Variants in TRARG1 observed in about 807,000 individuals in gnomAD.
TRARG1 encodes trafficking regulator of GLUT4 1.
Under a neutral mutation model 13.3 loss-of-function variants are expected in TRARG1, and 16 were observed. That is an observed-to-expected ratio of 1.20 (90% CI 0.81 to 1.83). The LOEUF (loss-of-function observed/expected upper bound fraction) is 1.83. TRARG1 is among the 40% of genes most tolerant of loss of function. TRARG1 has a pLI of 0.00. For synonymous variants in TRARG1, 113 were observed against 106.2 expected, an observed-to-expected ratio of 1.06 and a Z score of -0.39; for missense variants, 250 against 237.4, an observed-to-expected ratio of 1.05 and a Z score of -0.35.
rs145861235 is a variant in TRARG1 at position 1,298,501 on chromosome 17, C to T, written c.*237C>T. 15 of 459,230 alleles carry T rather than the reference C, an allele frequency of 3.3e-5. No individual in the cohort carries two copies. Among genetic ancestry groups the T allele is most frequent in the Non-Finnish European group, 4.6e-5 (12 of 259,168 alleles). 28.4% of individuals were successfully genotyped at this position (459,230 alleles called of 1,614,324 possible). On this transcript the variant is annotated 3_prime_UTR_variant, in exon 3 of 3. Coordinates refer to ENST00000333813, the MANE Select transcript of TRARG1 (RefSeq NM_172367.3). ...CAATGGGTAACGTGGTTTACTCTCC[C>T]GGACGCGTCCTGGGATCTCAACCCC...
chr17:1,297,447 T>G (rs910743602), intron 2 of TRARG1, among the ~76,000 whole-genome samples: 5 of 152,202 alleles, frequency 3.3e-5, no homozygotes, highest in African/African-American at 1.2e-4. Flanking sequence ...AATTGGAGCG[T>G]GTGTGACAGT....
intron 1 of TRARG1, among the ~76,000 whole-genome samples, chr17:1,285,712 A>C (rs997503324): frequency 2.0e-5 from 3 of 151,660 alleles, no homozygotes; most frequent in African/African-American, 7.3e-5. Context: ...GCAAGACTCC[A>C]TCTAAAAAAT....
At chr17:1,289,806 C>T (rs1281600086) in intron 1 of TRARG1, among the ~76,000 whole-genome samples, 1 of 152,144 alleles carries the variant, frequency 6.6e-6, no homozygotes, top group African/African-American at 2.4e-5. Flanking sequence ...GCTACATACT[C>T]ATGGCACCCC....
At chr17:1,293,715 A>C (rs986708617) in intron 1 of TRARG1, among the ~76,000 whole-genome samples, 1 of 151,824 alleles carries the variant, frequency 6.6e-6, no homozygotes, top group Admixed American at 6.6e-5. Flanking sequence ...TGATGATGTC[A>C]CAGGTTGAAT....
Position 1,283,528 on chromosome 17 carries a change from C to T in TRARG1, c.387+3140C>T, listed in dbSNP as rs142780144. On this transcript the variant is annotated intron_variant, in intron 1 of 2. Transcript: ENST00000333813. The stretch of plus-strand genomic sequence containing the variant: ...TCCAAAAGAAACCCTGTACCCTGGC[C>T]GGGCGCAGTGGCTCATGCCTGTAAT... 9.2e-5 allele frequency among the ~76,000 whole-genome samples: 14 copies of T among 152,266 alleles called. No individual in the cohort carries two copies. The East Asian group carries it at 1.7e-3, about 19-fold the overall frequency.
chr17:1,279,760 C>T lies in TRARG1; in HGVS notation c.-242C>T, dbSNP rs1004212345. 2 of 482,498 alleles carry T rather than the reference C, an allele frequency of 4.1e-6. No individual in the cohort carries two copies. Among genetic ancestry groups the T allele is most frequent in the Non-Finnish European group, 7.3e-6 (2 of 273,860 alleles). The allele number at this position is 482,498 out of a possible 1,614,324, so 29.9% of individuals were successfully genotyped here. ...TTGGCCTCAAACTTGAACAAAGCTG[C>T]AGGCTCCAGCGTCTTTCTGGGAGCT... On this transcript the variant is annotated 5_prime_UTR_variant, in exon 1 of 3. Coordinates refer to ENST00000333813, the MANE Select transcript of TRARG1 (RefSeq NM_172367.3).
rs933940922 is a variant in TRARG1, at chr17:1,281,991, TATATACAG to T, written c.387+1611_387+1618del. On this transcript the variant is annotated intron_variant, in intron 1 of 2. Coordinates refer to ENST00000333813, the MANE Select transcript of TRARG1 (RefSeq NM_172367.3). ...ATGCACACGTGTACATATATGTACATATATACAGATATACACATATGTACATATACATA... is the reference window on the plus strand; with the variant it reads ...ATGCACACGTGTACATATATGTACATATATACACATATGTACATATACATA... Among the ~76,000 whole-genome samples, 100 of 151,718 alleles carry T rather than the reference TATATACAG, an allele frequency of 6.6e-4. 3 individuals carry two copies. In the East Asian group the frequency reaches 0.017, roughly 26 times the overall value.
chr17:1,290,375 A>G (rs1036277140), intron 1 of TRARG1, among the ~76,000 whole-genome samples: 2 of 152,280 alleles, frequency 1.3e-5, no homozygotes, highest in South Asian at 4.2e-4. Flanking sequence ...AGCTCACTGC[A>G]GCCTCCGCCT....
At position 1,300,722 on chromosome 17, in the gene TRARG1, G is replaced by A. The variant is rs1425592982; in HGVS notation, c.*2458G>A. 1.3e-5 allele frequency: 2 copies of A among 152,576 alleles called. No individual in the cohort carries two copies. Among genetic ancestry groups the A allele is most frequent in the Non-Finnish European group, 1.5e-5 (1 of 68,308 alleles). The allele number at this position is 152,576 out of a possible 1,614,324, so 9.5% of individuals were successfully genotyped here. A position where few individuals can be genotyped will look rare whatever the true frequency, so the allele number is the denominator to read the frequency against. The stretch of plus-strand genomic sequence containing the variant: ...GAGGAGAAAGCCATTCTGGACACCA[G>A]GGGACCTGGACGGAGGGTCCCCACA... On this transcript the variant is annotated 3_prime_UTR_variant, in exon 3 of 3. Transcript: ENST00000333813.
chr17:1,300,514 C>T lies in TRARG1; in HGVS notation c.*2250C>T, dbSNP rs1489777250. On this transcript the variant is annotated 3_prime_UTR_variant, in exon 3 of 3. Coordinates refer to ENST00000333813, the MANE Select transcript of TRARG1 (RefSeq NM_172367.3). The stretch of plus-strand genomic sequence containing the variant: ...GAACCCAGGACAGCCACAGCCACCG[C>T]TTAGGGGAAGCCACTGCAGATGCCC... The T allele has an allele frequency of 6.5e-6, 1 of 152,944 alleles. No individual in the cohort carries two copies. The highest frequency in any genetic ancestry group is 1.5e-5 in the Non-Finnish European group (1 of 68,674). 9.5% of individuals were successfully genotyped at this position (152,944 alleles called of 1,614,324 possible).
intron 1 of TRARG1, among the ~76,000 whole-genome samples, chr17:1,282,035 T>A (rs531201356): frequency 6.7e-5 from 10 of 148,340 alleles, no homozygotes; most frequent in Non-Finnish European, 8.9e-5. Context: ...TGTACATATA[T>A]ACACACATAT....
chr17:1,284,802 T>C (rs1442197913), intron 1 of TRARG1, among the ~76,000 whole-genome samples: 12 of 152,036 alleles, frequency 7.9e-5, no homozygotes, highest in Admixed American at 4.6e-4. Flanking sequence ...TGCCTCAGCC[T>C]CCTGAGTAGC....
At chr17:1,287,517 C>T (rs949878355) in intron 1 of TRARG1, among the ~76,000 whole-genome samples, 11 of 151,726 alleles carry the variant, frequency 7.2e-5, no homozygotes, top group African/African-American at 1.9e-4. Flanking sequence ...CCCACTACCA[C>T]GCCTGGCTAA....
intron 1 of TRARG1, among the ~76,000 whole-genome samples, chr17:1,294,031 C>T (rs185832599): frequency 4.6e-5 from 7 of 152,310 alleles, no homozygotes; most frequent in Admixed American, 6.5e-5. Context: ...ATCTTCATCA[C>T]ACTTAACTGC....
intron 1 of TRARG1, among the ~76,000 whole-genome samples, chr17:1,290,362 C>T (rs759891746): frequency 2.6e-5 from 4 of 152,188 alleles, no homozygotes; most frequent in Non-Finnish European, 5.9e-5. Context: ...ATGGCGTGAT[C>T]TCAGCTCACT....
rs57546300 is a variant in TRARG1, at chr17:1,298,962, C to T, written c.*698C>T. The T allele has an allele frequency of 0.02, 3,032 of 152,390 alleles. 45 individuals carry two copies. Among genetic ancestry groups the T allele is most frequent in the Middle Eastern group, 0.058 (17 of 294 alleles). 9.4% of individuals were successfully genotyped at this position (152,390 alleles called of 1,614,324 possible). On this transcript the variant is annotated 3_prime_UTR_variant, in exon 3 of 3. Coordinates refer to ENST00000333813, the MANE Select transcript of TRARG1 (RefSeq NM_172367.3). ...AGGTACCAGGATGGCAGGACCCGCA[C>T]GCCTCTTCCCACACCTGTCAGCTTC...
In TRARG1 at chr17:1,298,630, C is replaced by T. The variant is rs946334522; in HGVS notation, c.*366C>T. ...AAAACCCAGCCCCACAAACGAGACA[C>T]ACGCTGGCGGGGAGAGACGCAGCAG... On this transcript the variant is annotated 3_prime_UTR_variant, in exon 3 of 3. Transcript: ENST00000333813. The T allele has an allele frequency of 3.6e-6, 1 of 277,226 alleles. No homozygotes were observed. The highest frequency in any genetic ancestry group is 6.7e-6 in the Non-Finnish European group (1 of 148,982). 17.2% of individuals were successfully genotyped at this position (277,226 alleles called of 1,614,324 possible).
intron 1 of TRARG1, among the ~76,000 whole-genome samples, chr17:1,282,359 T>TAC (rs113353074): frequency 0.015 from 562 of 36,560 alleles, 3 homozygotes; most frequent in East Asian, 0.069. Flanking sequence ...CGTATATATG[T>TAC]ATATATGTAC....
intron 2 of TRARG1, among the ~76,000 whole-genome samples, chr17:1,297,139 A>G (rs540123448): frequency 1.2e-4 from 19 of 152,168 alleles, no homozygotes; most frequent in African/African-American, 4.3e-4. Flanking sequence ...CGCTGCTCAA[A>G]CTGTGCTCCC....
Sources: gnomAD v4.1 joint callset for allele counts (sites outside exome capture counted in the v4.1 genomes callset) on GRCh38, gnomAD v4.1.1 for gene constraint, MANE v1.5 for transcripts, NCBI Gene and HGNC (gene_info 2026-07-23, HGNC 2026-07-21) for gene names.